The following PTPRG variants were observed in gnomAD, a reference collection of about 807,000 sequenced individuals.
PTPRG encodes receptor-type tyrosine-protein phosphatase gamma.
In PTPRG, 102 loss-of-function variants were observed where a neutral mutation model predicts 165.3. The observed-to-expected ratio is 0.62, with a 90% CI of 0.53 to 0.73. The LOEUF (loss-of-function observed/expected upper bound fraction) is 0.73, where lower values mean the gene tolerates loss of function less well. PTPRG is among the 30% of genes least tolerant of loss of function. The probability of loss-of-function intolerance (pLI) is 0.00; values close to 1 mark genes in which losing one functional copy is unlikely to be tolerated. For synonymous variants in PTPRG, 675 were observed against 669.5 expected, an observed-to-expected ratio of 1.01 and a Z score of -0.13; for missense variants, 1,866 against 1,861.4, an observed-to-expected ratio of 1.00 and a Z score of -0.05.
At chr3:62,063,460 G>T (rs556769088) in intron 4 of PTPRG, among the ~76,000 whole-genome samples, 1 of 152,242 alleles carries the variant, frequency 6.6e-6, no homozygotes, top group East Asian at 1.9e-4. Flanking sequence ...TGATTCTCTG[G>T]TGTCCTTCTG....
intron 2 of PTPRG, among the ~76,000 whole-genome samples, chr3:61,768,173 G>C (rs1369856243): frequency 6.6e-6 from 1 of 152,092 alleles, no homozygotes; most frequent in Non-Finnish European, 1.5e-5. Context: ...TCAAGACAGA[G>C]AGTTATTCAT....
chr3:61,857,012 A>G (rs776775216), intron 2 of PTPRG, among the ~76,000 whole-genome samples: 18 of 152,186 alleles, frequency 1.2e-4, no homozygotes, highest in Non-Finnish European at 1.8e-4. Context: ...CAAAGAAAAA[A>G]AATGCCCTTT....
chr3:62,204,044 G>C, intron 12 of PTPRG, 94 bp downstream of exon 12: 1 of 1,473,196 alleles, frequency 6.8e-7, no homozygotes, highest in Non-Finnish European at 9.0e-7. Context: ...AGCTTCAGAA[G>C]GTACTTAATA....
intron 2 of PTPRG, among the ~76,000 whole-genome samples, chr3:61,850,879 A>C (rs1456457544): frequency 1.3e-5 from 2 of 152,196 alleles, no homozygotes; most frequent in African/African-American, 2.4e-5. Flanking sequence ...GAAACAGGAT[A>C]TATTTAAAGG....
chr3:62,276,927 G>A, intron 24 of PTPRG, 45 bp from the exon 25 acceptor site: 1 of 1,476,678 alleles, frequency 6.8e-7, no homozygotes, highest in South Asian at 1.1e-5. Context: ...GGTTCTGTGT[G>A]TATAATAAGG....
At chr3:61,625,053 A>G (rs905618538) in intron 1 of PTPRG, among the ~76,000 whole-genome samples, 2 of 151,410 alleles carry the variant, frequency 1.3e-5, no homozygotes, top group African/African-American at 4.9e-5. Context: ...TCTTCCCTTT[A>G]CGCATATCTC....
chr3:61,775,690 A>C (rs1463670718), intron 2 of PTPRG, among the ~76,000 whole-genome samples: 1 of 152,116 alleles, frequency 6.6e-6, no homozygotes, highest in Non-Finnish European at 1.5e-5. Flanking sequence ...ATGTCCAACA[A>C]TGATAGACTG....
At chr3:61,835,204 G>T (rs2036423192) in intron 2 of PTPRG, among the ~76,000 whole-genome samples, 1 of 152,148 alleles carries the variant, frequency 6.6e-6, no homozygotes, top group Non-Finnish European at 1.5e-5. Context: ...TCGTTACTGT[G>T]CCTCAATTAC....
rs988365207 is a variant in PTPRG at position 62,175,050 on chromosome 3, C to T, written c.1033+6887C>T. 5.9e-5 allele frequency among the ~76,000 whole-genome samples: 9 copies of T among 152,278 alleles called. No homozygotes were observed. In the East Asian group the frequency reaches 1.7e-3, roughly 29 times the overall value. On this transcript the variant is annotated intron_variant, in intron 8 of 29. Transcript: ENST00000474889. ...CCTTGGAACATCCTAGGCTCTCATACTTCTGAAGGTCCTGCCATATTATAT... is the reference window on the plus strand; with the variant it reads ...CCTTGGAACATCCTAGGCTCTCATATTTCTGAAGGTCCTGCCATATTATAT...
At chr3:61,735,831 C>G (rs657267) in intron 1 of PTPRG, among the ~76,000 whole-genome samples, 117,643 of 151,898 alleles carry the variant, frequency 0.77, 45,636 homozygotes, top group Middle Eastern at 0.85. Flanking sequence ...CACCGACTTA[C>G]GGAAAAGTTC....
intron 4 of PTPRG, among the ~76,000 whole-genome samples, chr3:62,049,727 C>A (rs1484092349): frequency 6.6e-6 from 1 of 152,088 alleles, no homozygotes; most frequent in African/African-American, 2.4e-5. Context: ...CAGTACTCAC[C>A]CTGCGTGGTA....
intron 2 of PTPRG, among the ~76,000 whole-genome samples, chr3:61,907,515 G>A (rs781357521): frequency 1.3e-5 from 2 of 152,144 alleles, no homozygotes; most frequent in Non-Finnish European, 2.9e-5. Flanking sequence ...GTGTTTTTAT[G>A]GAAGGTCCTT....
chr3:61,934,137 A>T (rs2039429352), intron 2 of PTPRG, among the ~76,000 whole-genome samples: 1 of 152,224 alleles, frequency 6.6e-6, no homozygotes, highest in Non-Finnish European at 1.5e-5. Context: ...TCTAACAAGA[A>T]CAAAAGAAAG....
In PTPRG at chr3:62,262,807, C is replaced by T. The variant is rs780222251; in HGVS notation, c.2569C>T (p.Arg857Cys). The T allele has an allele frequency of 4.3e-6, 7 of 1,612,686 alleles. No homozygotes were observed. Among genetic ancestry groups the T allele is most frequent in the East Asian group, 2.2e-5 (1 of 44,784 alleles). The change falls in exon 17 of 30, where the codon CGC becomes TGC. Residue 857 changes from arginine to cysteine, a missense_variant. Physicochemically the swap from Arg to Cys is radical, Grantham distance 180. This residue lies in a region of PTPRG where 1,452 missense variants were observed against 1,463.0 expected (regional missense o/e 0.99). Coordinates refer to ENST00000474889, the MANE Select transcript of PTPRG (RefSeq NM_002841.4). ...CTGTTTTCTTCACTAGGAAGTCCAG[C>T]GCTGTACTGCTGATATGAACATCAC... ...GFSEDFEEVQ[R>C]CTADMNITAE...
intron 8 of PTPRG, among the ~76,000 whole-genome samples, chr3:62,188,558 C>A (rs964110525): frequency 6.6e-6 from 1 of 152,076 alleles, no homozygotes; most frequent in African/African-American, 2.4e-5. Flanking sequence ...TTTCTTTTTA[C>A]TTTTTTGTAC....
intron 15 of PTPRG, 85 bp downstream of exon 15, chr3:62,243,983 T>C: frequency 1.3e-6 from 1 of 794,674 alleles, no homozygotes; most frequent in East Asian, 2.6e-5. Flanking sequence ...CAACAAAATA[T>C]TTTATAGCCT....
chr3:62,116,014 A>G (rs1447540249), intron 5 of PTPRG, among the ~76,000 whole-genome samples: 22 of 152,100 alleles, frequency 1.4e-4, no homozygotes, highest in Admixed American at 1.4e-3. Context: ...TATTGTAGCA[A>G]CTCTCATGAC....
At chr3:62,018,165 C>T (rs569636970) in intron 4 of PTPRG, among the ~76,000 whole-genome samples, 1 of 152,200 alleles carries the variant, frequency 6.6e-6, no homozygotes, top group African/African-American at 2.4e-5. Flanking sequence ...TCCTTGACCT[C>T]ATAGAACCTG....
In PTPRG at chr3:61,595,164, G is replaced by A. The variant is rs181225403; in HGVS notation, c.85+32792G>A. 3.7e-4 allele frequency among the ~76,000 whole-genome samples: 56 copies of A among 152,016 alleles called. 1 individual carries two copies. In the East Asian group the frequency reaches 9.1e-3, roughly 25 times the overall value. ...CAATAATCTCCCACTTCCCCTGGAC[G>A]AAACCGAACAAGATGTGTTTGTTTT... On this transcript the variant is annotated intron_variant, in intron 1 of 29. Transcript: ENST00000474889.
Sources: gnomAD v4.1 joint callset for allele counts (sites outside exome capture counted in the v4.1 genomes callset) on GRCh38, gnomAD v4.1.1 for gene constraint, gnomAD v4.1.1 regional missense constraint, MANE v1.5 for transcripts, NCBI Gene and HGNC (gene_info 2026-07-23, HGNC 2026-07-21) for gene names.